Variants in HTR3B observed in about 807,000 individuals in gnomAD.
The protein encoded by HTR3B is 5-hydroxytryptamine receptor 3B.
A neutral mutation model predicts 42.8 loss-of-function variants in HTR3B; 44 were observed. The ratio of observed to expected loss-of-function variants is 1.03; its 90% CI spans 0.81 to 1.32. The LOEUF (loss-of-function observed/expected upper bound fraction) is 1.32, where lower values mean the gene tolerates loss of function less well. Ranked by LOEUF, HTR3B falls within the 40% of genes most tolerant of loss-of-function variation. The pLI, the probability that HTR3B is intolerant of heterozygous loss-of-function variation, is 0.00. For synonymous variants in HTR3B, 203 were observed against 209.0 expected, an observed-to-expected ratio of 0.97 and a Z score of 0.25; for missense variants, 527 against 536.5, an observed-to-expected ratio of 0.98 and a Z score of 0.17.
upstream of HTR3B, chr11:113,904,678 C>T (rs1048942991): frequency 3.6e-5 from 15 of 421,124 alleles, no homozygotes; most frequent in East Asian, 8.2e-5. Context: ...ATGTTGGCCA[C>T]GGTCTGATCT....
At chr11:113,934,492 C>G (rs375504063) in intron 6 of HTR3B, among the ~76,000 whole-genome samples, 2 of 152,060 alleles carry the variant, frequency 1.3e-5, no homozygotes, top group African/African-American at 4.8e-5. Flanking sequence ...AAGAAAGAAA[C>G]TATTATTGAG....
In HTR3B at chr11:113,942,972, T is replaced by C. The variant is rs1565568226; in HGVS notation, c.697-10T>C. The stretch of plus-strand genomic sequence containing the variant: ...ATCCTCTTTTCATCAGACCACTTGT[T>C]CCCGGCCAGGTGGTGATGCGCAGGC... On this transcript the variant is annotated splice_polypyrimidine_tract_variant and intron_variant, in intron 6 of 8. Transcript: ENST00000260191. 1 of 1,613,188 alleles carries C rather than the reference T, an allele frequency of 6.2e-7. No homozygotes were observed. Among genetic ancestry groups the C allele is most frequent in the African/African-American group, 1.3e-5 (1 of 75,028 alleles).
chr11:113,932,392 G>C lies in HTR3B; in HGVS notation c.472G>C (p.Glu158Gln), dbSNP rs761768017. 12 of 1,614,076 alleles carry C rather than the reference G, an allele frequency of 7.4e-6. No individual in the cohort carries two copies. Among genetic ancestry groups the C allele is most frequent in the Non-Finnish European group, 9.3e-6 (11 of 1,179,956 alleles). Residue 158 changes from glutamate (E) to glutamine (Q), a missense_variant, in exon 5 of 9, where the codon GAG (glutamate) becomes CAG (glutamine). Glu to Gln is a conservative substitution (Grantham distance 29). Transcript: ENST00000260191. ...CCAGGTGGTCTCTGCGTGCAGTTTA[G>C]AGACATATGCTTTTCCATTTGATGT... ...PIQVVSACSL[E>Q]TYAFPFDVQN...
intron 2 of HTR3B, among the ~76,000 whole-genome samples, chr11:113,926,431 A>G (rs1374951578): frequency 6.8e-6 from 1 of 147,286 alleles, no homozygotes; most frequent in Non-Finnish European, 1.5e-5. Flanking sequence ...TAATCTTTTA[A>G]GTAAATATCA....
intron 7 of HTR3B, among the ~76,000 whole-genome samples, chr11:113,943,654 C>T (rs1033480135): frequency 2.0e-5 from 3 of 151,722 alleles, no homozygotes; most frequent in Non-Finnish European, 4.4e-5. Flanking sequence ...TGTTTTTATC[C>T]CCAATTTCAA....
chr11:113,947,897 G>A lies in HTR3B; in HGVS notation c.*1760G>A, dbSNP rs1040345682. 6.6e-6 allele frequency among the ~76,000 whole-genome samples: 1 copy of A among 152,096 alleles called. No homozygotes were observed. Among genetic ancestry groups the A allele is most frequent in the Non-Finnish European group, 1.5e-5 (1 of 68,030 alleles). ...GAGACCTGCTGACAGTCTTAACGCT[G>A]TCAGTAGAAGACACAAAAGTCCAAA... On this transcript the variant is annotated 3_prime_UTR_variant, in exon 9 of 9. Transcript: ENST00000260191.
At chr11:113,907,894 G>T (rs1374543314) in intron 1 of HTR3B, among the ~76,000 whole-genome samples, 1 of 152,114 alleles carries the variant, frequency 6.6e-6, no homozygotes, top group Admixed American at 6.6e-5. Flanking sequence ...TTTGCCTTGT[G>T]CTCCTGACTT....
chr11:113,901,324 T>G (rs1949696451), upstream of HTR3B, among the ~76,000 whole-genome samples: 1 of 151,678 alleles, frequency 6.6e-6, no homozygotes, highest in African/African-American at 2.4e-5. Context: ...ACACATATAC[T>G]CCCAGCTATG....
chr11:113,915,088 A>G (rs1449265378), intron 2 of HTR3B, among the ~76,000 whole-genome samples: 1 of 152,138 alleles, frequency 6.6e-6, no homozygotes, highest in East Asian at 1.9e-4. Flanking sequence ...TTTGTGTCTC[A>G]TATTGGTAAT....
rs1949973855 is a variant in HTR3B at position 113,926,468 on chromosome 11, T to TTTCCTTTCCTTTCC, written c.214-4914_214-4913insCCTTTCCTTTCCTT. On this transcript the variant is annotated intron_variant, in intron 2 of 8. Coordinates refer to ENST00000260191, the MANE Select transcript of HTR3B (RefSeq NM_006028.5). ...ACTGCTTTTCCTTTCCTTTCCTTTC[T>TTTCCTTTCCTTTCC]TTTCCTTTCCTTTCCTTTCCTTTCC... 1.1e-3 allele frequency among the ~76,000 whole-genome samples: 91 copies of TTTCCTTTCCTTTCC among 80,344 alleles called. 4 individuals carry two copies. Among genetic ancestry groups the TTTCCTTTCCTTTCC allele is most frequent in the African/African-American group, 3.8e-3 (73 of 19,262 alleles). The allele number at this position is 80,344 out of a possible 152,430, so 52.7% of individuals were successfully genotyped here.
intron 5 of HTR3B, 111 bp downstream of exon 5, chr11:113,932,569 T>C (rs1591582179): frequency 3.1e-6 from 3 of 975,938 alleles, no homozygotes; most frequent in East Asian, 5.0e-5. Context: ...TATTTAAAAA[T>C]TGGAATCTCT....
chr11:113,912,942 T>A (rs1949811145), intron 2 of HTR3B, among the ~76,000 whole-genome samples: 1 of 150,508 alleles, frequency 6.6e-6, no homozygotes, highest in African/African-American at 2.4e-5. Context: ...ATTTATACAT[T>A]CTGGGCACAG....
chr11:113,945,960 G>C lies in HTR3B; in HGVS notation c.1149G>C (p.Ser383=), dbSNP rs748555257. Residue 383 remains serine, a synonymous_variant, in exon 9 of 9, where the codon TCG becomes TCC. Coordinates refer to ENST00000260191, the MANE Select transcript of HTR3B (RefSeq NM_006028.5). ...CAGGAACCCTGAAGGAAGTCTGGTC[G>C]CAGCTTCAATCTATCAGCAACTACC... ...AQPGTLKEVW[S]QLQSISNYLQ... The C allele has an allele frequency of 2.5e-6, 4 of 1,614,008 alleles. No individual in the cohort carries two copies. Among genetic ancestry groups the C allele is most frequent in the Non-Finnish European group, 3.4e-6 (4 of 1,180,024 alleles).
chr11:113,928,521 A>G (rs1462258426), intron 2 of HTR3B, among the ~76,000 whole-genome samples: 5 of 152,088 alleles, frequency 3.3e-5, no homozygotes, highest in Non-Finnish European at 7.4e-5. Context: ...TCCATGTTGT[A>G]ACATGTGTCA....
At chr11:113,905,893 TAAA>T (rs1452043926) in intron 1 of HTR3B, among the ~76,000 whole-genome samples, 3 of 152,174 alleles carry the variant, frequency 2.0e-5, no homozygotes, top group Admixed American at 2.0e-4. Context: ...CACTTATCAT[TAAA>T]GTATAAAAAT....
chr11:113,945,754 G>T (rs1950171692), intron 8 of HTR3B, 148 bp from the exon 9 acceptor site: 4 of 634,750 alleles, frequency 6.3e-6, no homozygotes, highest in South Asian at 3.7e-5. Flanking sequence ...GCCTAATCGG[G>T]TGGGGAGAGT....
At position 113,947,092 on chromosome 11, in the gene HTR3B, C is replaced by T. The variant is rs1453709636; in HGVS notation, c.*955C>T. 1.3e-5 allele frequency among the ~76,000 whole-genome samples: 2 copies of T among 151,924 alleles called. No individual in the cohort carries two copies. Among genetic ancestry groups the T allele is most frequent in the Non-Finnish European group, 2.9e-5 (2 of 67,994 alleles). The stretch of plus-strand genomic sequence containing the variant: ...AGCAGTGCATCCCCACTGGAGAGAA[C>T]CCAGGTGCCAAGGCTTCTTTTTTTT... On this transcript the variant is annotated 3_prime_UTR_variant, in exon 9 of 9. Coordinates refer to ENST00000260191, the MANE Select transcript of HTR3B (RefSeq NM_006028.5).
intron 8 of HTR3B, among the ~76,000 whole-genome samples, chr11:113,945,552 A>G (rs1037850102): frequency 2.6e-5 from 4 of 152,222 alleles, no homozygotes; most frequent in Admixed American, 2.6e-4. Context: ...GAGCTTGTGT[A>G]CATTTAGGTT....
At chr11:113,928,782 C>T (rs1455152478) in intron 2 of HTR3B, among the ~76,000 whole-genome samples, 1 of 152,176 alleles carries the variant, frequency 6.6e-6, no homozygotes, top group Non-Finnish European at 1.5e-5. Context: ...AGTGATCCAC[C>T]CACCTCGGCC....
Sources: allele counts gnomAD v4.1 joint callset (sites outside exome capture counted in the v4.1 genomes callset), GRCh38; gene constraint gnomAD v4.1.1; transcripts MANE v1.5; gene names NCBI Gene and HGNC (gene_info 2026-07-23, HGNC 2026-07-21).